The following PDE4D variants were observed in gnomAD, a reference collection of about 807,000 sequenced individuals.
PDE4D encodes 3',5'-cyclic-AMP phosphodiesterase 4D.
In PDE4D, 24 loss-of-function variants were observed where a neutral mutation model predicts 87.4. That is an observed-to-expected ratio of 0.27 (90% CI 0.20 to 0.39). The LOEUF is 0.39. PDE4D is among the 10% of genes least tolerant of loss of function. The probability of loss-of-function intolerance (pLI) is 1.00; values close to 1 mark genes in which losing one functional copy is unlikely to be tolerated. For missense variants in PDE4D, 714 were observed against 1,041.0 expected, an observed-to-expected ratio of 0.69 and a Z score of 4.32; for synonymous variants, 384 against 383.2, an observed-to-expected ratio of 1.00 and a Z score of -0.02.
chr5:59,093,531 A>ATT (rs1769116904), intron 5 of PDE4D, among the ~76,000 whole-genome samples: 1 of 152,234 alleles, frequency 6.6e-6, no homozygotes, highest in African/African-American at 2.4e-5. Context: ...TCGCAGGCAG[A>ATT]AAGTGGGGTA....
chr5:59,221,114 TGAC>T (rs1752460455), intron 1 of PDE4D, among the ~76,000 whole-genome samples: 1 of 152,160 alleles, frequency 6.6e-6, no homozygotes, highest in Admixed American at 6.5e-5. Flanking sequence ...CATAGACAAG[TGAC>T]TCTATGTTCA....
At chr5:59,373,104 A>C (rs1401640029) in intron 1 of PDE4D, among the ~76,000 whole-genome samples, 2 of 152,126 alleles carry the variant, frequency 1.3e-5, no homozygotes, top group Non-Finnish European at 2.9e-5. Context: ...AACCCTGAAA[A>C]CTCAAAAGGC....
upstream of PDE4D, chr5:60,488,287 G>A (rs115836649): frequency 6.4e-4 from 98 of 152,210 alleles, no homozygotes; most frequent in African/African-American, 2.3e-3. Flanking sequence ...GAGGGGAAAA[G>A]GACAGGTGAT....
intron 2 of PDE4D, among the ~76,000 whole-genome samples, chr5:60,118,447 A>G (rs1778363676): frequency 6.6e-6 from 1 of 151,962 alleles, no homozygotes; most frequent in African/African-American, 2.4e-5. Context: ...TGGGTTTTTA[A>G]GCTGATGGTT....
intron 1 of PDE4D, among the ~76,000 whole-genome samples, chr5:59,281,936 A>T (rs1765869347): frequency 6.6e-6 from 1 of 152,230 alleles, no homozygotes; most frequent in Non-Finnish European, 1.5e-5. Context: ...TTGAGAAATC[A>T]ATGTACTTGC....
At chr5:60,134,496 CCT>C (rs1365446273) in intron 2 of PDE4D, among the ~76,000 whole-genome samples, 1 of 152,074 alleles carries the variant, frequency 6.6e-6, no homozygotes, top group East Asian at 1.9e-4. Context: ...TATAGCAGAC[CCT>C]GTCTCCAAAA....
chr5:60,321,918 G>T (rs1224430009), intron 1 of PDE4D, among the ~76,000 whole-genome samples: 1 of 151,340 alleles, frequency 6.6e-6, no homozygotes, highest in East Asian at 1.9e-4. Context: ...TTGCTGGCAA[G>T]GTTGCAGATA....
chr5:59,836,697 G>T (rs910246849), intron 1 of PDE4D, among the ~76,000 whole-genome samples: 1 of 146,944 alleles, frequency 6.8e-6, no homozygotes, highest in African/African-American at 2.7e-5. Context: ...ATCTATCTAT[G>T]TATCTGTCTA....
At chr5:59,413,970 A>C (rs1437432329) in intron 1 of PDE4D, among the ~76,000 whole-genome samples, 1 of 152,260 alleles carries the variant, frequency 6.6e-6, no homozygotes, top group Non-Finnish European at 1.5e-5. Flanking sequence ...ATATCTGCTC[A>C]GAATTCTATT....
chr5:60,167,446 T>A (rs543431772), intron 2 of PDE4D, among the ~76,000 whole-genome samples: 79 of 151,968 alleles, frequency 5.2e-4, no homozygotes, highest in African/African-American at 1.7e-3. Flanking sequence ...TTTTTTGTAT[T>A]TTTAGTAGAG....
At chr5:59,596,947 T>C (rs1236823412) in intron 1 of PDE4D, among the ~76,000 whole-genome samples, 2 of 152,076 alleles carry the variant, frequency 1.3e-5, no homozygotes, top group African/African-American at 4.8e-5. Context: ...ACAGTGGCAA[T>C]TACAGGGAGA....
intron 1 of PDE4D, among the ~76,000 whole-genome samples, chr5:59,723,789 A>G (rs16890137): frequency 6.6e-6 from 1 of 152,132 alleles, no homozygotes; most frequent in Admixed American, 6.6e-5. Context: ...TGCATTTGAC[A>G]TGACAGCTGG....
intron 5 of PDE4D, among the ~76,000 whole-genome samples, chr5:59,067,093 C>T (rs1764068139): frequency 6.6e-6 from 1 of 151,958 alleles, no homozygotes; most frequent in African/African-American, 2.4e-5. Flanking sequence ...CAGATCACTG[C>T]ACCCTCTCCT....
intron 1 of PDE4D, among the ~76,000 whole-genome samples, chr5:60,276,785 T>TTTTATAATG (rs1462429967): frequency 1.3e-5 from 2 of 152,134 alleles, no homozygotes; most frequent in East Asian, 3.8e-4. Context: ...TTTAACACCA[T>TTTTATAATG]TTTATAATGT....
intron 1 of PDE4D, among the ~76,000 whole-genome samples, chr5:60,276,779 A>T (rs1751402825): frequency 1.3e-5 from 2 of 151,444 alleles, no homozygotes. Context: ...TTTTCTTTTA[A>T]CACCATTTTA....
chr5:59,423,928 A>G (rs1205405705), intron 1 of PDE4D, among the ~76,000 whole-genome samples: 3 of 151,934 alleles, frequency 2.0e-5, no homozygotes, highest in Non-Finnish European at 4.4e-5. Flanking sequence ...GGATGTTGAT[A>G]GAACAGAGAC....
Position 59,466,933 on chromosome 5 carries a change from C to A in PDE4D, c.456-250965G>T, listed in dbSNP as rs533541739. Among the ~76,000 whole-genome samples the A allele has an allele frequency of 3.9e-5, 6 of 152,212 alleles. No individual in the cohort carries two copies. The South Asian group carries it at 1.0e-3, about 26-fold the overall frequency. On this transcript the variant is annotated intron_variant, in intron 1 of 14. Transcript: ENST00000340635. Reference sequence around the variant, plus strand: ...TCCAAAATTTGTACGTTGAAGTCCTCGTACCTCAGAATATGACTATATTTG... The same window carrying A: ...TCCAAAATTTGTACGTTGAAGTCCTAGTACCTCAGAATATGACTATATTTG...
intron 1 of PDE4D, among the ~76,000 whole-genome samples, chr5:59,352,539 T>A (rs1780688798): frequency 2.0e-5 from 3 of 152,200 alleles, no homozygotes; most frequent in Admixed American, 2.0e-4. Flanking sequence ...ATCACTGATG[T>A]GCTACCACTC....
intron 1 of PDE4D, among the ~76,000 whole-genome samples, chr5:60,191,493 T>A (rs1426197426): frequency 6.6e-6 from 1 of 152,116 alleles, no homozygotes; most frequent in Non-Finnish European, 1.5e-5. Context: ...GTGAAGAAGG[T>A]GTCTTGCTTC....
Sources: allele counts gnomAD v4.1 joint callset (sites outside exome capture counted in the v4.1 genomes callset), GRCh38; gene constraint gnomAD v4.1.1; transcripts MANE v1.5; gene names NCBI Gene and HGNC (gene_info 2026-07-23, HGNC 2026-07-21).